Variants in GRAMD4 observed in about 807,000 individuals in gnomAD.
GRAMD4 encodes the protein GRAM domain-containing protein 4.
GRAMD4 carries 25 observed loss-of-function variants against 83.9 expected under a neutral mutation model. The ratio of observed to expected loss-of-function variants is 0.30; its 90% confidence interval spans 0.22 to 0.42. GRAMD4 has a LOEUF of 0.42. Ranked by LOEUF, GRAMD4 falls within the 10% of genes least tolerant of loss-of-function variation. The probability of loss-of-function intolerance (pLI) is 1.00; values close to 1 mark genes in which losing one functional copy is unlikely to be tolerated. For missense variants in GRAMD4, 593 were observed against 788.7 expected, an observed-to-expected ratio of 0.75 and a Z score of 2.97; for synonymous variants, 336 against 320.9, an observed-to-expected ratio of 1.05 and a Z score of -0.50.
Position 46,677,605 on chromosome 22 carries a change from C to A in GRAMD4, c.*354C>A. 4 of 1,034,654 alleles carry A rather than the reference C, an allele frequency of 3.9e-6. No homozygotes were observed. Among genetic ancestry groups the A allele is most frequent in the Non-Finnish European group, 4.6e-6 (4 of 860,290 alleles). 64.1% of individuals were successfully genotyped at this position (1,034,654 alleles called of 1,614,324 possible). On this transcript the variant is annotated 3_prime_UTR_variant, in exon 19 of 19. Coordinates refer to ENST00000406902, the MANE Select transcript of GRAMD4 (RefSeq NM_015124.5). ...GACAGAGAAACCTCTCCAGCCACCC[C>A]AAGAGGTTCTCGCAACCTTGTGTCC...
Position 46,672,958 on chromosome 22 carries a change from G to T in GRAMD4, c.1200G>T (p.Pro400=). 1 of 1,608,980 alleles carries T rather than the reference G, an allele frequency of 6.2e-7. No homozygotes were observed. Among genetic ancestry groups the T allele is most frequent in the Non-Finnish European group, 8.5e-7 (1 of 1,179,430 alleles). ...YIIWRSLPTD[P]QLKERSSAAV... is the part of the protein sequence containing the mutation. ...TCTGGAGGAGTCTCCCCACCGACCC[G>T]CAGCTCAAGGAGCGCTCCAGCGCCG... Residue 400 remains proline, a synonymous_variant, in exon 14 of 19, where the codon CCG becomes CCT. Transcript: ENST00000406902. This position sits in a 1 kb window ranked among gnomAD's most constrained non-coding sequence, Gnocchi z 4.7.
intron 1 of GRAMD4, among the ~76,000 whole-genome samples, chr22:46,600,032 A>G (rs538064566): frequency 6.6e-6 from 1 of 152,252 alleles, no homozygotes; most frequent in Admixed American, 6.5e-5. Context: ...CTTGCTGGTT[A>G]TTTGTCAAAG....
At chr22:46,601,258 C>T (rs907410308) in intron 1 of GRAMD4, among the ~76,000 whole-genome samples, 2 of 152,034 alleles carry the variant, frequency 1.3e-5, no homozygotes, top group African/African-American at 4.8e-5. Context: ...TGTGACCCGT[C>T]GGCCGCCGGG....
chr22:46,663,741 C>T (rs2082366267), intron 6 of GRAMD4, 97 bp from the exon 7 acceptor site: 8 of 1,209,560 alleles, frequency 6.6e-6, no homozygotes, highest in Non-Finnish European at 6.1e-6. Context: ...GAGACGTCCT[C>T]CCTGGCCCCT....
At position 46,678,577 on chromosome 22, in the gene GRAMD4, C is replaced by T. The variant is rs1358854099; in HGVS notation, c.*1326C>T. ...CCGCGGGCCTGCGTGTCTGCTGGGG[C>T]GGATCCCGCAGCTCCCTCAGCTTGT... On this transcript the variant is annotated 3_prime_UTR_variant, in exon 19 of 19. Transcript: ENST00000406902. The T allele has an allele frequency of 5.1e-6, 5 of 985,374 alleles. No homozygotes were observed. Among genetic ancestry groups the T allele is most frequent in the South Asian group, 4.7e-5 (1 of 21,298 alleles). The allele number at this position is 985,374 out of a possible 1,614,324, so 61.0% of individuals were successfully genotyped here. A position where few individuals can be genotyped will look rare whatever the true frequency, so the allele number is the denominator to read the frequency against.
At chr22:46,605,683 C>T (rs1337342970) in intron 1 of GRAMD4, among the ~76,000 whole-genome samples, 1 of 152,252 alleles carries the variant, frequency 6.6e-6, no homozygotes, top group East Asian at 1.9e-4. Flanking sequence ...GTTTGGTTTG[C>T]ATTTCCCCCA....
Position 46,581,055 on chromosome 22 carries a change from C to A in GRAMD4, c.-50+3765C>A, listed in dbSNP as rs146176661. Among the ~76,000 whole-genome samples, 536 of 152,052 alleles carry A rather than the reference C, an allele frequency of 3.5e-3. 8 individuals carry two copies. Among genetic ancestry groups the A allele is most frequent in the African/African-American group, 0.012 (509 of 41,498 alleles). On this transcript the variant is annotated intron_variant, in intron 1 of 1. Coordinates refer to the GRAMD4 transcript ENST00000431155. ...CCCTGTTGTTTTGCCTTTGGTATCT[C>A]GGCATGTGGCAGAGGCCTGGGCGGA...
chr22:46,614,895 G>GTGTGGGTTCC, intron 1 of GRAMD4, among the ~76,000 whole-genome samples: 1 of 11,366 alleles, frequency 8.8e-5, no homozygotes, highest in Non-Finnish European at 2.0e-4. Context: ...GTTCCCCTGT[G>GTGTGGGTTCC]CATGTAGGTT....
At chr22:46,657,790 C>T (rs1227548449) in intron 3 of GRAMD4, among the ~76,000 whole-genome samples, 1 of 152,190 alleles carries the variant, frequency 6.6e-6, no homozygotes, top group Non-Finnish European at 1.5e-5. Flanking sequence ...CACATGGAGG[C>T]GCTGGGTGGG....
At chr22:46,674,058 A>T (rs1466336203) in intron 15 of GRAMD4, among the ~76,000 whole-genome samples, 3 of 152,210 alleles carry the variant, frequency 2.0e-5, no homozygotes, top group African/African-American at 7.2e-5. Context: ...CTCCCCTGAC[A>T]GCAGGCGTGC....
intron 1 of GRAMD4, among the ~76,000 whole-genome samples, chr22:46,602,574 G>A (rs948094746): frequency 7.9e-5 from 12 of 151,860 alleles, no homozygotes; most frequent in Non-Finnish European, 1.8e-4. Flanking sequence ...GAGGCAGGAG[G>A]ATCACTGAAC....
rs756274187 is a variant in GRAMD4, at chr22:46,626,813, T to G, written c.14T>G (p.Leu5Trp). Reference sequence around the variant, plus strand: ...TCAGTGCTGAACATGCTAAGGAGGTTGGACAAAATCAGGTTCAGAGGTCAC... The same window carrying G: ...TCAGTGCTGAACATGCTAAGGAGGTGGGACAAAATCAGGTTCAGAGGTCAC... MLRR[L>W]DKIRFRGHKR... The change falls in exon 2 of 19, where the codon TTG becomes TGG. Residue 5 changes from leucine (L) to tryptophan (W), a missense_variant. By Grantham distance (61) the Leu-to-Trp change is moderately conservative (BLOSUM62 -2). Transcript: ENST00000406902. The G allele has an allele frequency of 3.1e-6, 5 of 1,613,902 alleles. No individual in the cohort carries two copies. The East Asian group carries it at 1.1e-4, about 36-fold the overall frequency.
chr22:46,636,053 G>A (rs186374801), intron 2 of GRAMD4, among the ~76,000 whole-genome samples: 3 of 152,082 alleles, frequency 2.0e-5, no homozygotes, highest in Admixed American at 6.5e-5. Flanking sequence ...TTTAGCCCCC[G>A]GGGTCTGTCC....
At chr22:46,607,133 G>T (rs1239845835) in intron 1 of GRAMD4, among the ~76,000 whole-genome samples, 1 of 152,000 alleles carries the variant, frequency 6.6e-6, no homozygotes, top group African/African-American at 2.4e-5. Flanking sequence ...AGTGAAGCCT[G>T]GGGTCCCATC....
At chr22:46,601,650 G>A (rs563606384) in intron 1 of GRAMD4, among the ~76,000 whole-genome samples, 178 of 152,160 alleles carry the variant, frequency 1.2e-3, no homozygotes, top group Non-Finnish European at 1.8e-3. Flanking sequence ...AAAAAAATTA[G>A]CCAGACATGT....
intron 2 of GRAMD4, among the ~76,000 whole-genome samples, chr22:46,630,941 C>T (rs1163415918): frequency 6.7e-6 from 1 of 149,556 alleles, no homozygotes; most frequent in Admixed American, 6.6e-5. Flanking sequence ...CGTGTGCCCT[C>T]ACCCCGGCCT....
At position 46,668,186 on chromosome 22, in the gene GRAMD4, G is replaced by T; in HGVS notation, c.930+19G>T. 6.3e-7 allele frequency: 1 copy of T among 1,587,006 alleles called. No homozygotes were observed. ...AGCCCAGGTACTGCCACGGGCGCCG[G>T]CCAGGGGTGTGTCTGCGCCAGCCAT... On this transcript the variant is annotated intron_variant, in intron 11 of 18. Transcript: ENST00000406902.
Position 46,621,439 on chromosome 22 carries a change from C to T in GRAMD4, c.-50+874C>T, listed in dbSNP as rs1017203945. Among the ~76,000 whole-genome samples, 3 of 152,198 alleles carry T rather than the reference C, an allele frequency of 2.0e-5. No homozygotes were observed. The highest frequency in any genetic ancestry group is 2.1e-4 in the South Asian group (1 of 4,836). ...GCAGTGCGGGGGCTGCCCATGTGGC[C>T]GTGGAGGGCACCCCTACCCCGGTGC... On this transcript the variant is annotated intron_variant, in intron 1 of 18. Coordinates refer to ENST00000406902, the MANE Select transcript of GRAMD4 (RefSeq NM_015124.5). The surrounding 1 kb of genome is among the most constrained non-coding windows in gnomAD (Gnocchi z 5.8).
upstream of GRAMD4, among the ~76,000 whole-genome samples, chr22:46,616,802 CTG>C (rs1196366254): frequency 7.3e-5 from 10 of 137,386 alleles, no homozygotes; most frequent in East Asian, 2.3e-4. Context: ...GTAGGTTCCC[CTG>C]TGTGTGTAGG....
Sources: gnomAD v4.1 joint callset for allele counts (sites outside exome capture counted in the v4.1 genomes callset) on GRCh38, gnomAD v4.1.1 for gene constraint, Gnocchi (gnomAD v3.1) non-coding constraint, MANE v1.5 for transcripts, NCBI Gene and HGNC (gene_info 2026-07-23, HGNC 2026-07-21) for gene names.